Variants in BRSK2 observed in about 807,000 individuals in gnomAD.
The protein encoded by BRSK2 is BR serine/threonine kinase 2, also known as serine/threonine-protein kinase BRSK2.
A neutral mutation model predicts 83.3 loss-of-function variants in BRSK2; 19 were observed. The observed-to-expected ratio is 0.23, with a 90% CI of 0.16 to 0.33. The LOEUF (loss-of-function observed/expected upper bound fraction) is 0.33, where lower values mean the gene tolerates loss of function less well. Ranked by LOEUF, BRSK2 falls within the 10% of genes least tolerant of loss-of-function variation. BRSK2 has a pLI of 1.00. For missense variants in BRSK2, 798 were observed against 1,042.3 expected, an observed-to-expected ratio of 0.77 and a Z score of 3.23; for synonymous variants, 519 against 435.4, an observed-to-expected ratio of 1.19 and a Z score of -2.39.
intron 1 of BRSK2, chr11:1,410,911 G>A: frequency 1.0e-6 from 1 of 988,010 alleles, no homozygotes; most frequent in Non-Finnish European, 1.2e-6. Context: ...CAGAAGGTGG[G>A]TGTTCCCCAG....
Position 1,429,275 on chromosome 11 carries a change from G to A in BRSK2, c.92-6765G>A, listed in dbSNP as rs539354588. On this transcript the variant is annotated intron_variant, in intron 1 of 19. Transcript: ENST00000528841. ...CATGTGCACAGGTGTGTGTGCACTCGTGTGGGTGTGTGCACTGGGCGTGTG... is the reference window on the plus strand; with the variant it reads ...CATGTGCACAGGTGTGTGTGCACTCATGTGGGTGTGTGCACTGGGCGTGTG... Among the ~76,000 whole-genome samples the A allele has an allele frequency of 7.4e-5, 8 of 108,818 alleles. No individual in the cohort carries two copies. In the South Asian group the frequency reaches 1.9e-3, roughly 26 times the overall value. The allele number at this position is 108,818 out of a possible 152,430, so 71.4% of individuals were successfully genotyped here.
chr11:1,447,610 G>A (rs1852328093), intron 12 of BRSK2, among the ~76,000 whole-genome samples: 2 of 152,122 alleles, frequency 1.3e-5, no homozygotes. Flanking sequence ...GGGGCTACCA[G>A]GCCACCCTGC....
chr11:1,394,090 T>C (rs868823984), intron 1 of BRSK2, among the ~76,000 whole-genome samples: 46 of 87,908 alleles, frequency 5.2e-4, no homozygotes, highest in Admixed American at 1.5e-3. Context: ...TGGAGATGGG[T>C]CCCTGGAGAT....
In BRSK2 at chr11:1,446,849, C is replaced by T. The variant is rs1852208235; in HGVS notation, c.1226+942C>T. ...CCCGGGCAGCAGTCTCTGGTCTGCC[C>T]TGTGATCTGGGCCTCAGCACCCCAG... On this transcript the variant is annotated intron_variant, in intron 12 of 19. Coordinates refer to ENST00000528841, the MANE Select transcript of BRSK2 (RefSeq NM_001256627.2). Among the ~76,000 whole-genome samples, 5 of 152,334 alleles carry T rather than the reference C, an allele frequency of 3.3e-5. No homozygotes were observed. In the South Asian group the frequency reaches 1.0e-3, roughly 32 times the overall value.
At chr11:1,427,686 C>G (rs534932268) in intron 1 of BRSK2, among the ~76,000 whole-genome samples, 1 of 152,374 alleles carries the variant, frequency 6.6e-6, no homozygotes, top group South Asian at 2.1e-4. Context: ...TCCCTCTCGA[C>G]AGCCAAGCCT....
rs1850548203 is a variant in BRSK2 at position 1,437,917 on chromosome 11, C to CA, written c.187-388dup. ...TCCTGCTCCAGGGGCCCCCAGTCCTCAGCCCTACAGGCTGGTGTCAGCCCG... is the reference window on the plus strand; with the variant it reads ...TCCTGCTCCAGGGGCCCCCAGTCCTCAAGCCCTACAGGCTGGTGTCAGCCCG... On this transcript the variant is annotated intron_variant, in intron 2 of 19. Coordinates refer to ENST00000528841, the MANE Select transcript of BRSK2 (RefSeq NM_001256627.2). Among the ~76,000 whole-genome samples the CA allele has an allele frequency of 2.6e-5, 4 of 152,182 alleles. No homozygotes were observed. In the South Asian group the frequency reaches 8.3e-4, roughly 31 times the overall value.
intron 1 of BRSK2, among the ~76,000 whole-genome samples, chr11:1,414,865 G>A (rs181548781): frequency 2.6e-5 from 4 of 152,308 alleles, no homozygotes; most frequent in Admixed American, 1.3e-4. Context: ...TGTACTCAGG[G>A]CCATCCCTGT....
chr11:1,416,332 T>TGGA (rs960324617), intron 1 of BRSK2, among the ~76,000 whole-genome samples: 2 of 152,138 alleles, frequency 1.3e-5, no homozygotes, highest in African/African-American at 2.4e-5. Flanking sequence ...CATTGAGTGT[T>TGGA]CTATTTCCTG....
At chr11:1,435,253 G>GA (rs1850136254) in intron 1 of BRSK2, among the ~76,000 whole-genome samples, 2 of 101,374 alleles carry the variant, frequency 2.0e-5, no homozygotes, top group Non-Finnish European at 4.2e-5. Flanking sequence ...GGTGCCGGTG[G>GA]GGGTCTCGGC....
intron 1 of BRSK2, among the ~76,000 whole-genome samples, chr11:1,405,161 C>A (rs1846781487): frequency 6.6e-6 from 1 of 151,982 alleles, no homozygotes; most frequent in Non-Finnish European, 1.5e-5. Flanking sequence ...GGCCAGGCTG[C>A]CTCATCCACA....
chr11:1,433,578 C>G (rs1162267341), intron 1 of BRSK2, among the ~76,000 whole-genome samples: 1 of 152,264 alleles, frequency 6.6e-6, no homozygotes, highest in Non-Finnish European at 1.5e-5. Context: ...TGAGCTCTTG[C>G]TCCTTTCCGT....
intron 1 of BRSK2, chr11:1,411,355 A>G (rs941724265): frequency 1.4e-6 from 2 of 1,447,730 alleles, no homozygotes; most frequent in Middle Eastern, 1.9e-4. Context: ...GTTCTGCCCC[A>G]TCTGGCCCTA....
intron 3 of BRSK2, among the ~76,000 whole-genome samples, chr11:1,440,371 C>T (rs931737580): frequency 6.6e-5 from 10 of 152,120 alleles, no homozygotes; most frequent in South Asian, 4.1e-4. Flanking sequence ...TCTCCCTGCT[C>T]GGTGCCTGTG....
chr11:1,442,422 G>A, intron 4 of BRSK2, 68 bp from the exon 5 acceptor site: 1 of 1,238,102 alleles, frequency 8.1e-7, no homozygotes, highest in Non-Finnish European at 1.2e-6. Flanking sequence ...TGGGCAGGGG[G>A]TCTCCAGGGC....
rs376857896 is a variant in BRSK2, at chr11:1,440,857, G to A, written c.342G>A (p.Thr114=). 6.3e-5 allele frequency: 102 copies of A among 1,606,826 alleles called. No individual in the cohort carries two copies. Among genetic ancestry groups the A allele is most frequent in the Non-Finnish European group, 7.6e-5 (90 of 1,176,874 alleles). Residue 114 remains threonine (T), a synonymous_variant, in exon 4 of 20, where the codon ACG becomes ACA. Coordinates refer to ENST00000528841, the MANE Select transcript of BRSK2 (RefSeq NM_001256627.2). ...ACCTGGTGAAGAAGGGGAGGCTGAC[G>A]CCTAAGGAGGCTCGGAAGTTCTTCC... The part of the protein sequence containing the change: ...FDYLVKKGRL[T]PKEARKFFRQ...
chr11:1,408,860 T>G (rs58033985), intron 1 of BRSK2, among the ~76,000 whole-genome samples: 1 of 151,382 alleles, frequency 6.6e-6, no homozygotes, highest in East Asian at 1.9e-4. Flanking sequence ...TGTGTGCATA[T>G]CTGCCTGTAC....
intron 16 of BRSK2, among the ~76,000 whole-genome samples, chr11:1,455,508 C>A (rs1360248057): frequency 6.6e-6 from 1 of 152,084 alleles, no homozygotes. Context: ...CCACTGCTGC[C>A]CTGGCTGCAG....
intron 12 of BRSK2, among the ~76,000 whole-genome samples, chr11:1,447,244 C>T (rs1328383741): frequency 3.3e-5 from 5 of 152,184 alleles, no homozygotes; most frequent in African/African-American, 9.7e-5. Context: ...GTCATGGGGG[C>T]ACCACAACCT....
chr11:1,441,378 C>T (rs1230660079), intron 4 of BRSK2, among the ~76,000 whole-genome samples: 1 of 53,460 alleles, frequency 1.9e-5, no homozygotes. Flanking sequence ...CCGTGCCCCC[C>T]ATTAGCTGCC....
Sources: allele counts gnomAD v4.1 joint callset (sites outside exome capture counted in the v4.1 genomes callset), GRCh38; gene constraint gnomAD v4.1.1; transcripts MANE v1.5; gene names NCBI Gene and HGNC (gene_info 2026-07-23, HGNC 2026-07-21).